Variants in PRRC2B observed in about 807,000 individuals in gnomAD.
The protein encoded by PRRC2B is protein PRRC2B.
A neutral mutation model predicts 242.3 loss-of-function variants in PRRC2B; 68 were observed. That is an observed-to-expected ratio of 0.28 (90% confidence interval 0.23 to 0.34). PRRC2B has a LOEUF of 0.34. Among genes scored for constraint, PRRC2B ranks in the 10% least tolerant of loss-of-function variants. The pLI is 1.00. For synonymous variants in PRRC2B, 1,228 were observed against 1,173.6 expected (o/e 1.05, Z -0.95); for missense variants, 2,835 against 2,954.8 (o/e 0.96, Z 0.94).
chr9:131,495,612 C>A, intron 31 of PRRC2B, 128 bp from the exon 32 acceptor site: 1 of 1,087,040 alleles, frequency 9.2e-7, no homozygotes, highest in Non-Finnish European at 1.3e-6. Flanking sequence ...GGTCCTTCAA[C>A]CAAGGGACTG....
At chr9:131,431,731 C>T (rs566611336) in intron 2 of PRRC2B, among the ~76,000 whole-genome samples, 3 of 151,624 alleles carry the variant, frequency 2.0e-5, no homozygotes, top group East Asian at 2.0e-4. Flanking sequence ...GGACTACAGG[C>T]GCCCGCCATC....
intron 28 of PRRC2B, among the ~76,000 whole-genome samples, 198 bp downstream of exon 28, chr9:131,488,294 C>T (rs1230614191): frequency 2.0e-5 from 3 of 146,826 alleles, no homozygotes; most frequent in Non-Finnish European, 4.5e-5. Flanking sequence ...GACAGAGTCT[C>T]GCTCTGTTGC....
chr9:131,380,899 A>AAAAAAAAAAAAAAT (rs1836751396), intron 1 of PRRC2B, among the ~76,000 whole-genome samples: 2 of 151,372 alleles, frequency 1.3e-5, no homozygotes, highest in Admixed American at 6.6e-5. Context: ...AAAAAAAAAA[A>AAAAAAAAAAAAAAT]GAGTGATTTG....
At chr9:131,433,232 C>T (rs1181973909) in intron 3 of PRRC2B, among the ~76,000 whole-genome samples, 1 of 152,120 alleles carries the variant, frequency 6.6e-6, no homozygotes, top group Non-Finnish European at 1.5e-5. Flanking sequence ...ATGCAGCTTC[C>T]CTAACCATCG....
chr9:131,399,104 C>G (rs564863385), intron 1 of PRRC2B, among the ~76,000 whole-genome samples: 1 of 150,854 alleles, frequency 6.6e-6, no homozygotes, highest in African/African-American at 2.4e-5. Context: ...GGTGAAACCC[C>G]GTCTCTGCTA....
intron 28 of PRRC2B, chr9:131,491,063 A>G: frequency 4.1e-6 from 1 of 244,518 alleles, no homozygotes; most frequent in South Asian, 6.2e-5. Context: ...GTATGCTTTC[A>G]GTAAGCACTT....
chr9:131,486,237 A>T, intron 26 of PRRC2B, 55 bp downstream of exon 26: 1 of 1,216,594 alleles, frequency 8.2e-7, no homozygotes, highest in Non-Finnish European at 1.2e-6. Context: ...GAGCCAGTGC[A>T]GGGCGGAATT....
chr9:131,382,721 A>G (rs1412261822), intron 1 of PRRC2B, among the ~76,000 whole-genome samples: 1 of 148,650 alleles, frequency 6.7e-6, no homozygotes, highest in Non-Finnish European at 1.5e-5. Flanking sequence ...CTCGGCTCAC[A>G]GCAACCTTCG....
At chr9:131,397,573 T>TTC (rs1837100978) in intron 1 of PRRC2B, among the ~76,000 whole-genome samples, 3 of 146,410 alleles carry the variant, frequency 2.0e-5, no homozygotes, top group African/African-American at 7.9e-5. Context: ...GTTTTTTTTT[T>TTC]TTTTTTTTTT....
intron 6 of PRRC2B, among the ~76,000 whole-genome samples, 191 bp downstream of exon 6, chr9:131,444,519 C>A (rs1838723503): frequency 6.6e-6 from 1 of 152,130 alleles, no homozygotes; most frequent in South Asian, 2.1e-4. Context: ...GGCCTTGTGC[C>A]TTTTTTGTCT....
chr9:131,468,273 G>A (rs58298089), intron 13 of PRRC2B, among the ~76,000 whole-genome samples: 74 of 152,254 alleles, frequency 4.9e-4, no homozygotes, highest in African/African-American at 1.7e-3. Flanking sequence ...TCCTGATGTT[G>A]CTGCTGAACT....
At chr9:131,377,391 G>A (rs1040525645) in intron 1 of PRRC2B, among the ~76,000 whole-genome samples, 5 of 152,194 alleles carry the variant, frequency 3.3e-5, no homozygotes, top group Non-Finnish European at 7.3e-5. Context: ...GGGTTTACAG[G>A]CGTGAGCCAC....
chr9:131,383,958 A>T (rs548154571), intron 1 of PRRC2B, among the ~76,000 whole-genome samples: 2 of 151,524 alleles, frequency 1.3e-5, no homozygotes, highest in South Asian at 4.2e-4. Context: ...TTGCTCTGTC[A>T]CCCAGGTTGG....
chr9:131,483,222 G>A, intron 22 of PRRC2B, 137 bp from the exon 23 acceptor site: 1 of 834,706 alleles, frequency 1.2e-6, no homozygotes, highest in South Asian at 1.7e-5. Context: ...TGGCCATCTC[G>A]CTCATATGTG....
In PRRC2B at chr9:131,416,254, G is replaced by A. The variant is rs1837647492; in HGVS notation, c.-51-13840G>A. Among the ~76,000 whole-genome samples the A allele has an allele frequency of 2.0e-5, 3 of 151,958 alleles. 1 individual carries two copies. The highest frequency in any genetic ancestry group is 2.0e-4 in the Admixed American group (3 of 15,248). Reference sequence around the variant, plus strand: ...CTCCTGAGTAGCTGGGATTACAGGCGCATGCCACCACGCCTGACTAATTTT... The same window carrying A: ...CTCCTGAGTAGCTGGGATTACAGGCACATGCCACCACGCCTGACTAATTTT... On this transcript the variant is annotated intron_variant, in intron 1 of 31. Transcript: ENST00000683519.
At chr9:131,379,584 A>G (rs1026422303) in intron 1 of PRRC2B, among the ~76,000 whole-genome samples, 4 of 147,186 alleles carry the variant, frequency 2.7e-5, no homozygotes, top group African/African-American at 1.0e-4. Flanking sequence ...GGCCATGTGT[A>G]TATCTTCTTT....
chr9:131,438,328 C>T (rs1185050532), intron 4 of PRRC2B, among the ~76,000 whole-genome samples: 1 of 152,130 alleles, frequency 6.6e-6, no homozygotes, highest in Admixed American at 6.5e-5. Context: ...GACTCAGTCA[C>T]TCTTCTCTGA....
chr9:131,419,191 G>A (rs1306379538), intron 1 of PRRC2B, among the ~76,000 whole-genome samples: 3 of 152,156 alleles, frequency 2.0e-5, no homozygotes, highest in Non-Finnish European at 4.4e-5. Flanking sequence ...TGAAACTGGG[G>A]CAGTTTAGTG....
At chr9:131,491,382 C>T (rs1564303304) in intron 28 of PRRC2B, 43 bp from the exon 29 acceptor site, 1 of 1,542,480 alleles carries the variant, frequency 6.5e-7, no homozygotes, top group Non-Finnish European at 8.7e-7. Flanking sequence ...GGGGTTTCTC[C>T]ATAGCATCAT....
Sources: gnomAD v4.1 joint callset for allele counts (sites outside exome capture counted in the v4.1 genomes callset) on GRCh38, gnomAD v4.1.1 for gene constraint, MANE v1.5 for transcripts, NCBI Gene and HGNC (gene_info 2026-07-23, HGNC 2026-07-21) for gene names.